Variants in FMC1 observed in about 807,000 individuals in gnomAD.
The protein encoded by FMC1 is formation of mitochondrial complex V assembly factor 1, also known as protein FMC1 homolog.
FMC1 carries 6 observed loss-of-function variants against 10.5 expected under a neutral mutation model. The ratio of observed to expected loss-of-function variants is 0.57; its 90% CI spans 0.31 to 1.12. The LOEUF is 1.12. FMC1 is among the 50% of genes most tolerant of loss of function. The pLI, the probability that FMC1 is intolerant of heterozygous loss-of-function variation, is 0.05. For synonymous variants in FMC1, 59 were observed against 62.1 expected, an observed-to-expected ratio of 0.95 and a Z score of 0.24; for missense variants, 146 against 151.7, an observed-to-expected ratio of 0.96 and a Z score of 0.20.
chr7:139,340,775 C>T (rs148308968), upstream of FMC1, among the ~76,000 whole-genome samples: 23 of 151,906 alleles, frequency 1.5e-4, no homozygotes, highest in African/African-American at 3.9e-4. Flanking sequence ...CTGGGGTGGC[C>T]TGTGACTTTT....
chr7:139,341,284 CGGTA>C, upstream of FMC1: 2 of 1,500,088 alleles, frequency 1.3e-6, no homozygotes, highest in Non-Finnish European at 1.8e-6. Context: ...TAGGGGGAGT[CGGTA>C]GTCTGTCCGA....
chr7:139,345,743 A>G lies in FMC1; in HGVS notation c.*39A>G, dbSNP rs1380334516. On this transcript the variant is annotated 3_prime_UTR_variant, in exon 2 of 2. Coordinates refer to ENST00000297534, the MANE Select transcript of FMC1 (RefSeq NM_197964.5). ...CCTTGGATGCTGCATTCATAGGAGA[A>G]TTGAATAATTTCTATCAATATGTAT... 2 of 1,574,188 alleles carry G rather than the reference A, an allele frequency of 1.3e-6. No individual in the cohort carries two copies. The highest frequency in any genetic ancestry group is 1.7e-6 in the Non-Finnish European group (2 of 1,159,544).
chr7:139,340,765 C>G (rs1381173430), upstream of FMC1: 2 of 372,152 alleles, frequency 5.4e-6, no homozygotes, highest in Non-Finnish European at 4.8e-6. Flanking sequence ...CGAGTCCCAT[C>G]TGGGGTGGCC....
At chr7:139,344,049 A>C (rs1300478130) in intron 1 of FMC1, among the ~76,000 whole-genome samples, 1 of 151,610 alleles carries the variant, frequency 6.6e-6, no homozygotes, top group East Asian at 1.9e-4. Context: ...TCCCCATCTC[A>C]CCTTTCCTGC....
chr7:139,340,698 A>C (rs919915436), upstream of FMC1: 1 of 392,076 alleles, frequency 2.6e-6, no homozygotes, highest in Non-Finnish European at 4.5e-6. Flanking sequence ...TCGTTTGCAG[A>C]AGCCCCAGTG....
rs1799265645 is a variant in FMC1, at chr7:139,346,230, A to G, written c.*526A>G. The G allele has an allele frequency of 7.1e-6, 1 of 141,222 alleles. No homozygotes were observed. The highest frequency in any genetic ancestry group is 1.5e-5 in the Non-Finnish European group (1 of 67,274). 8.7% of individuals were successfully genotyped at this position (141,222 alleles called of 1,614,324 possible). ...CACTCCAGCCTGGGCAACAAGAGCA[A>G]AACTCTGTCTCAAAAAAAAAAAAAA... On this transcript the variant is annotated 3_prime_UTR_variant, in exon 2 of 2. Coordinates refer to ENST00000297534, the MANE Select transcript of FMC1 (RefSeq NM_197964.5).
upstream of FMC1, chr7:139,340,555 C>CT (rs1218780050): frequency 5.0e-6 from 2 of 398,078 alleles, no homozygotes; most frequent in African/African-American, 4.1e-5. Context: ...CTTTTGTTCT[C>CT]TAACTACAAC....
intron 1 of FMC1, among the ~76,000 whole-genome samples, chr7:139,341,882 G>A (rs1386607381): frequency 2.6e-5 from 4 of 152,244 alleles, no homozygotes; most frequent in South Asian, 4.2e-4. Context: ...GGAGTTGAAG[G>A]GTGTACTGTT....
chr7:139,345,424 T>C (rs1175172924), intron 1 of FMC1, 77 bp from the exon 2 acceptor site: 1 of 1,571,978 alleles, frequency 6.4e-7, no homozygotes, highest in African/African-American at 1.4e-5. Flanking sequence ...CTCTAGTGAA[T>C]GCTTATTTAT....
At chr7:139,342,460 G>A (rs903604157) in intron 1 of FMC1, among the ~76,000 whole-genome samples, 2 of 152,096 alleles carry the variant, frequency 1.3e-5, no homozygotes, top group Non-Finnish European at 2.9e-5. Context: ...AGGTGTGGTG[G>A]GTGAAGTGGA....
At chr7:139,341,991 A>T (rs1228686420) in intron 1 of FMC1, among the ~76,000 whole-genome samples, 2 of 152,240 alleles carry the variant, frequency 1.3e-5, no homozygotes, top group Admixed American at 1.3e-4. Flanking sequence ...GAAAAGAACA[A>T]CTGGGCTTTA....
At chr7:139,344,696 T>C (rs1799177093) in intron 1 of FMC1, among the ~76,000 whole-genome samples, 1 of 85,992 alleles carries the variant, frequency 1.2e-5, no homozygotes, top group Non-Finnish European at 2.5e-5. Flanking sequence ...ATTTTCTTTC[T>C]TTTTTTTTTT....
In FMC1 at chr7:139,345,491, G is replaced by T; in HGVS notation, c.139-10G>T. 6.2e-7 allele frequency: 1 copy of T among 1,614,018 alleles called. No homozygotes were observed. Among genetic ancestry groups the T allele is most frequent in the Admixed American group, 1.7e-5 (1 of 60,016 alleles). On this transcript the variant is annotated splice_polypyrimidine_tract_variant and intron_variant, in intron 1 of 1. Coordinates refer to ENST00000297534, the MANE Select transcript of FMC1 (RefSeq NM_197964.5). ...CTGGGTTAAGAATTTCTGACTTGCT[G>T]CTTCTCTAGGTCACCAGTGAAAAGT... is the stretch of plus-strand genomic sequence containing the variant.
intron 1 of FMC1, among the ~76,000 whole-genome samples, chr7:139,342,147 T>C (rs1428387255): frequency 2.6e-5 from 4 of 151,974 alleles, no homozygotes; most frequent in African/African-American, 9.7e-5. Flanking sequence ...GGGTCTGTGC[T>C]AGGAACCTGG....
intron 1 of FMC1, among the ~76,000 whole-genome samples, chr7:139,343,177 T>C (rs1799087282): frequency 6.6e-6 from 1 of 152,250 alleles, no homozygotes; most frequent in Non-Finnish European, 1.5e-5. Context: ...AATTCCCATG[T>C]CAAATTCCAC....
Position 139,344,130 on chromosome 7 carries a change from G to A in FMC1, c.139-1371G>A, listed in dbSNP as rs544460669. On this transcript the variant is annotated intron_variant, in intron 1 of 1. Transcript: ENST00000297534. ...GTGAATCTCAAAAGTTAAGTATGAT[G>A]AAGAAAAAAGGTTTGGAATCATTTG... Among the ~76,000 whole-genome samples, 16 of 152,146 alleles carry A rather than the reference G, an allele frequency of 1.1e-4. No homozygotes were observed. The South Asian group carries it at 3.1e-3, about 30-fold the overall frequency.
chr7:139,346,035 C>T lies in FMC1; in HGVS notation c.*331C>T, dbSNP rs556345049. ...GGCGGATCACCTGAGGTTGGGAGTT[C>T]GCGACCAGCCTGACCAACATGGAAA... On this transcript the variant is annotated 3_prime_UTR_variant, in exon 2 of 2. Coordinates refer to ENST00000297534, the MANE Select transcript of FMC1 (RefSeq NM_197964.5). 6.0e-4 allele frequency: 102 copies of T among 170,504 alleles called. No individual in the cohort carries two copies. Among genetic ancestry groups the T allele is most frequent in the East Asian group, 1.8e-3 (10 of 5,616 alleles). 10.6% of individuals were successfully genotyped at this position (170,504 alleles called of 1,614,324 possible).
upstream of FMC1, chr7:139,341,264 C>A: frequency 1.4e-6 from 2 of 1,462,230 alleles, no homozygotes; most frequent in Middle Eastern, 2.6e-4. Context: ...TTCCACTGCT[C>A]GTCAGTCGAT....
intron 1 of FMC1, 102 bp downstream of exon 1, chr7:139,341,624 G>A: frequency 6.6e-7 from 1 of 1,508,286 alleles, no homozygotes; most frequent in Non-Finnish European, 8.9e-7. Flanking sequence ...GCATTTCTGA[G>A]GCCAACCCTC....
Sources: gnomAD v4.1 joint callset for allele counts (sites outside exome capture counted in the v4.1 genomes callset) on GRCh38, gnomAD v4.1.1 for gene constraint, MANE v1.5 for transcripts, NCBI Gene and HGNC (gene_info 2026-07-23, HGNC 2026-07-21) for gene names.